SYT14: variants seen among roughly 807,000 people sequenced by gnomAD.
SYT14 encodes the protein synaptotagmin 14, also known as synaptotagmin-14.
A neutral mutation model predicts 74.2 loss-of-function variants in SYT14; 32 were observed. The observed-to-expected ratio is 0.43, with a 90% CI of 0.33 to 0.58. The LOEUF (loss-of-function observed/expected upper bound fraction) is 0.58. Ranked by LOEUF, SYT14 falls within the 20% of genes least tolerant of loss-of-function variation. SYT14 has a pLI of 0.05. For missense variants in SYT14, 791 were observed against 981.8 expected, an observed-to-expected ratio of 0.81 and a Z score of 2.60; for synonymous variants, 298 against 337.7, an observed-to-expected ratio of 0.88 and a Z score of 1.29.
chr1:210,094,836 TG>T (rs1247171394), intron 6 of SYT14, among the ~76,000 whole-genome samples: 5 of 152,054 alleles, frequency 3.3e-5, no homozygotes, highest in Admixed American at 2.0e-4. Flanking sequence ...TACCTAAAGA[TG>T]TTTTTTTTAA....
chr1:210,135,526 G>C (rs2082767418), intron 7 of SYT14, among the ~76,000 whole-genome samples: 1 of 152,090 alleles, frequency 6.6e-6, no homozygotes, highest in South Asian at 2.1e-4. Flanking sequence ...TATAATCGCT[G>C]TTTTAAGGTC....
At chr1:210,132,567 T>TA (rs1553285171) in intron 7 of SYT14, among the ~76,000 whole-genome samples, 1 of 144,998 alleles carries the variant, frequency 6.9e-6, no homozygotes, top group Non-Finnish European at 1.5e-5. Flanking sequence ...ATTTTATATA[T>TA]TGTGTGTGTG....
At chr1:210,022,253 C>T (rs1007877795) in intron 5 of SYT14, among the ~76,000 whole-genome samples, 20 of 152,068 alleles carry the variant, frequency 1.3e-4, no homozygotes, top group Admixed American at 1.3e-3. Flanking sequence ...TGGCTTCATG[C>T]CAACTAAAGA....
intron 2 of SYT14, among the ~76,000 whole-genome samples, chr1:209,964,325 CT>C (rs1321163180): frequency 1.3e-5 from 2 of 151,998 alleles, no homozygotes; most frequent in East Asian, 3.9e-4. Context: ...ATTAAACTTC[CT>C]TTCTTTATAA....
intron 5 of SYT14, among the ~76,000 whole-genome samples, chr1:210,057,340 T>G (rs972722681): frequency 1.3e-5 from 2 of 152,228 alleles, no homozygotes; most frequent in African/African-American, 4.8e-5. Flanking sequence ...TACCCCAGTT[T>G]GAAACATTGA....
chr1:210,074,150 G>T (rs1464536774), intron 5 of SYT14, among the ~76,000 whole-genome samples: 4 of 152,094 alleles, frequency 2.6e-5, no homozygotes, highest in Non-Finnish European at 5.9e-5. Flanking sequence ...ACCTCAGGGG[G>T]TTACTGTATT....
intron 2 of SYT14, among the ~76,000 whole-genome samples, chr1:210,005,610 C>T (rs920771193): frequency 7.2e-5 from 11 of 151,816 alleles, no homozygotes; most frequent in African/African-American, 2.7e-4. Context: ...TGAGACAATT[C>T]GTTGTTCAAA....
chr1:210,164,346 G>A (rs17015701), exon 10 of SYT14: 57,720 of 194,666 alleles, frequency 0.3, 11,274 homozygotes, highest in East Asian at 0.61. Flanking sequence ...ATGTTTAAAT[G>A]TAGGACCTGG....
intron 7 of SYT14, among the ~76,000 whole-genome samples, chr1:210,125,058 C>A (rs1176215226): frequency 1.3e-5 from 2 of 151,992 alleles, no homozygotes; most frequent in East Asian, 3.9e-4. Flanking sequence ...CCTCCAGTAA[C>A]ATTCTTTTTC....
chr1:209,993,547 G>A (rs912069058), intron 2 of SYT14, among the ~76,000 whole-genome samples: 3 of 152,198 alleles, frequency 2.0e-5, no homozygotes, highest in African/African-American at 7.2e-5. Context: ...GGGGCGACAC[G>A]CATGGGTTCC....
At chr1:210,068,359 C>G (rs185909873) in intron 5 of SYT14, among the ~76,000 whole-genome samples, 59 of 151,818 alleles carry the variant, frequency 3.9e-4, no homozygotes, top group African/African-American at 1.4e-3. Flanking sequence ...GCTTACTATA[C>G]ACTATTTCTT....
intron 5 of SYT14, among the ~76,000 whole-genome samples, chr1:210,081,672 T>C (rs2081618308): frequency 1.3e-5 from 2 of 152,196 alleles, no homozygotes; most frequent in South Asian, 2.1e-4. Flanking sequence ...AAACATGATA[T>C]GTCTGTGGTT....
At chr1:210,132,259 C>G (rs1256470925) in intron 7 of SYT14, among the ~76,000 whole-genome samples, 1 of 152,072 alleles carries the variant, frequency 6.6e-6, no homozygotes, top group Admixed American at 6.5e-5. Context: ...CATCTGGGCT[C>G]TCTCCCCACG....
At chr1:209,944,354 GA>G (rs1238123610) in intron 1 of SYT14, among the ~76,000 whole-genome samples, 1 of 152,054 alleles carries the variant, frequency 6.6e-6, no homozygotes, top group East Asian at 1.9e-4. Context: ...TCAAAAGTTG[GA>G]AAAAAGGATT....
At chr1:209,952,529 G>T (rs2078928936) in intron 1 of SYT14, among the ~76,000 whole-genome samples, 180 bp from the exon 2 acceptor site, 1 of 152,028 alleles carries the variant, frequency 6.6e-6, no homozygotes, top group Admixed American at 6.6e-5. Context: ...CCTAATTTCT[G>T]GGTTGTTCCA....
chr1:210,100,048 A>G lies in SYT14; in HGVS notation c.1621A>G (p.Lys541Glu), dbSNP rs755675630. Reference sequence around the variant, plus strand: ...TCAAGGATCATCTTCGCAGCTTCCTAAACCTTTTGATCCTGAGCCAGAAGC... The same window carrying G: ...TCAAGGATCATCTTCGCAGCTTCCTGAACCTTTTGATCCTGAGCCAGAAGC... The change falls in exon 7 of 10, where the codon AAA (lysine) becomes GAA (glutamate). Residue 541 changes from lysine to glutamate, a missense_variant. Coordinates refer to ENST00000637265, the Ensembl canonical transcript of SYT14. 5.0e-6 allele frequency: 8 copies of G among 1,613,966 alleles called. No individual in the cohort carries two copies. In the South Asian group the frequency reaches 7.7e-5, roughly 16 times the overall value.
intron 9 of SYT14, among the ~76,000 whole-genome samples, chr1:210,159,925 C>T (rs1224172265): frequency 1.1e-4 from 16 of 152,060 alleles, no homozygotes; most frequent in Admixed American, 1.0e-3. Context: ...TGTTTCACTT[C>T]GTACACTAAA....
chr1:210,027,272 G>A (rs1049462588), intron 5 of SYT14, among the ~76,000 whole-genome samples: 3 of 151,812 alleles, frequency 2.0e-5, no homozygotes, highest in African/African-American at 7.3e-5. Flanking sequence ...AAAACTAGCC[G>A]AGCCTAGTGG....
chr1:210,043,430 T>A (rs1331019134), intron 5 of SYT14, among the ~76,000 whole-genome samples: 1 of 105,110 alleles, frequency 9.5e-6, no homozygotes, highest in Non-Finnish European at 1.7e-5. Flanking sequence ...ATCTTTGTTT[T>A]ACTGAAAAAA....
Sources: allele counts gnomAD v4.1 joint callset (sites outside exome capture counted in the v4.1 genomes callset), GRCh38; gene constraint gnomAD v4.1.1; transcripts MANE v1.5; gene names NCBI Gene and HGNC (gene_info 2026-07-23, HGNC 2026-07-21).